Variants in DNAJA2 observed in about 807,000 individuals in gnomAD.
DNAJA2 encodes DnaJ heat shock protein family (Hsp40) member A2.
Under a neutral mutation model 49.3 loss-of-function variants are expected in DNAJA2, and 6 were observed. That is an observed-to-expected ratio of 0.12 (90% CI 0.07 to 0.24). The LOEUF (loss-of-function observed/expected upper bound fraction) is 0.24. Among genes scored for constraint, DNAJA2 ranks in the 10% least tolerant of loss-of-function variants. The probability of loss-of-function intolerance (pLI) is 1.00; values close to 1 mark genes in which losing one functional copy is unlikely to be tolerated. For synonymous variants in DNAJA2, 160 were observed against 172.7 expected (o/e 0.93, Z 0.58); for missense variants, 347 against 516.8 (o/e 0.67, Z 3.19).
In DNAJA2 at chr16:46,973,461, G is replaced by C. The variant is rs1281580683; in HGVS notation, c.78+34C>G. ...ACATCCCTGGCCGCGCAGGCCCCGC[G>C]CCCCTCACACCCGCCCGGCCCGCTC... On this transcript the variant is annotated intron_variant, in intron 1 of 8. Transcript: ENST00000317089. 1.9e-6 allele frequency: 3 copies of C among 1,566,434 alleles called. 1 individual carries two copies. In the South Asian group the frequency reaches 3.4e-5, roughly 18 times the overall value.
chr16:46,971,999 A>C (rs1296468552), intron 1 of DNAJA2, 44 bp from the exon 2 acceptor site: 8 of 1,361,374 alleles, frequency 5.9e-6, no homozygotes, highest in Non-Finnish European at 8.4e-6. Context: ...ACTAAACACC[A>C]GTTAAAAGTT....
chr16:46,967,745 C>T (rs1471236483), intron 4 of DNAJA2, 99 bp from the exon 5 acceptor site: 1 of 1,463,076 alleles, frequency 6.8e-7, no homozygotes, highest in Non-Finnish European at 9.4e-7. Flanking sequence ...TCTTCAACCC[C>T]AATAACTTGT....
chr16:46,962,378 C>CA lies in DNAJA2; in HGVS notation c.774+2232dup, dbSNP rs571055213. ...ACCATCAGTTTGACATGCCTCAAAC[C>CA]AAAAAAAAGTCATCCTTCCTCTGCA... On this transcript the variant is annotated intron_variant, in intron 6 of 8. Transcript: ENST00000317089. Among the ~76,000 whole-genome samples, 35 of 149,132 alleles carry CA rather than the reference C, an allele frequency of 2.3e-4. No individual in the cohort carries two copies. In the East Asian group the frequency reaches 6.3e-3, roughly 27 times the overall value.
In DNAJA2 at chr16:46,958,793, A is replaced by T. The variant is rs540816811; in HGVS notation, c.1047+210T>A. ...GACTGTGTCTCAAAAAATTTTTTTT[A>T]AATTAGCCAGGCATGGCAACACACA... On this transcript the variant is annotated intron_variant, in intron 8 of 8. Transcript: ENST00000317089. 46 of 471,152 alleles carry T rather than the reference A, an allele frequency of 9.8e-5. No homozygotes were observed. In the South Asian group the frequency reaches 2.0e-3, roughly 21 times the overall value. 29.2% of individuals were successfully genotyped at this position (471,152 alleles called of 1,614,324 possible).
chr16:46,970,189 TC>T (rs1288822586), intron 3 of DNAJA2, among the ~76,000 whole-genome samples: 1 of 152,182 alleles, frequency 6.6e-6, no homozygotes. Context: ...AAAAAAGACC[TC>T]CCAGATTTTG....
intron 4 of DNAJA2, 90 bp downstream of exon 4, chr16:46,967,994 C>A: frequency 7.8e-7 from 1 of 1,289,094 alleles, no homozygotes; most frequent in Non-Finnish European, 1.1e-6. Flanking sequence ...TAAGTTTTAA[C>A]TTATAACAAT....
intron 1 of DNAJA2, 43 bp downstream of exon 1, chr16:46,973,452 A>C: frequency 6.5e-7 from 1 of 1,549,130 alleles, no homozygotes; most frequent in Non-Finnish European, 8.7e-7. Flanking sequence ...CTGGCCGCGC[A>C]GGCCCCGCGC....
In DNAJA2 at chr16:46,968,163, C is replaced by A; in HGVS notation, c.364G>T (p.Val122Leu). 6.3e-7 allele frequency: 1 copy of A among 1,586,222 alleles called. No individual in the cohort carries two copies. Among genetic ancestry groups the A allele is most frequent in the South Asian group, 1.2e-5 (1 of 85,858 alleles). ...CCATTATACAGATCTTCTAAAGATA[C>A]TCTGGAAAGAAAAGAATCGGCTTCA... ...RGEDMMHPLKVSLEDLYNGKT... is the reference protein window; with the variant it reads ...RGEDMMHPLKLSLEDLYNGKT... The change falls in exon 4 of 9, where the codon GTA (valine) becomes TTA (leucine). Residue 122 changes from valine to leucine, a missense_variant and splice_region_variant. Coordinates refer to ENST00000317089, the MANE Select transcript of DNAJA2 (RefSeq NM_005880.4).
intron 5 of DNAJA2, among the ~76,000 whole-genome samples, chr16:46,966,468 G>C (rs1467312237): frequency 6.6e-6 from 1 of 152,166 alleles, no homozygotes; most frequent in Non-Finnish European, 1.5e-5. Flanking sequence ...GAAATATGCA[G>C]TAGTCACAGG....
At chr16:46,966,128 G>A (rs952496457) in intron 5 of DNAJA2, among the ~76,000 whole-genome samples, 7 of 152,168 alleles carry the variant, frequency 4.6e-5, no homozygotes, top group African/African-American at 1.7e-4. Flanking sequence ...TGGGGCGAGG[G>A]GCTGAGGTGG....
At chr16:46,962,848 CAGG>C (rs1567353270) in intron 6 of DNAJA2, among the ~76,000 whole-genome samples, 1 of 152,194 alleles carries the variant, frequency 6.6e-6, no homozygotes, top group Admixed American at 6.5e-5. Context: ...CCTGATTGTC[CAGG>C]AGATCAAGTC....
At chr16:46,971,868 C>A (rs199855066) in intron 2 of DNAJA2, 28 bp downstream of exon 2, 1 of 1,588,184 alleles carries the variant, frequency 6.3e-7, no homozygotes, top group South Asian at 1.1e-5. Flanking sequence ...CTAAAACCCC[C>A]GGAATAAAAA....
intron 6 of DNAJA2, 40 bp from the exon 7 acceptor site, chr16:46,959,459 T>C (rs2143642085): frequency 6.4e-7 from 1 of 1,560,588 alleles, no homozygotes; most frequent in East Asian, 2.2e-5. Flanking sequence ...TTCTTAAAAA[T>C]TATGGAGGTA....
intron 6 of DNAJA2, 120 bp from the exon 7 acceptor site, chr16:46,959,539 G>A: frequency 1.1e-6 from 1 of 944,416 alleles, no homozygotes; most frequent in Non-Finnish European, 1.6e-6. Context: ...CAAATCCAAA[G>A]TGCCACTGTC....
In DNAJA2 at chr16:46,956,948, T is replaced by TA; in HGVS notation, c.*80dup. On this transcript the variant is annotated 3_prime_UTR_variant, in exon 9 of 9. Coordinates refer to ENST00000317089, the MANE Select transcript of DNAJA2 (RefSeq NM_005880.4). The stretch of plus-strand genomic sequence containing the variant: ...ATGTCCCTCAGTTCATCTGGATTGA[T>TA]AAGACACTCCAGCTGGATTGCTGAG... 2.0e-6 allele frequency: 3 copies of TA among 1,482,818 alleles called. No homozygotes were observed. Among genetic ancestry groups the TA allele is most frequent in the Non-Finnish European group, 1.9e-6 (2 of 1,061,562 alleles). 91.9% of individuals were successfully genotyped at this position (1,482,818 alleles called of 1,614,324 possible).
chr16:46,966,636 T>TG (rs1961975461), intron 5 of DNAJA2, among the ~76,000 whole-genome samples: 2 of 152,234 alleles, frequency 1.3e-5, no homozygotes, highest in South Asian at 4.1e-4. Flanking sequence ...CATATCCATG[T>TG]GTCTGTGGCC....
At chr16:46,960,383 A>C (rs117035113) in intron 6 of DNAJA2, among the ~76,000 whole-genome samples, 2 of 152,214 alleles carry the variant, frequency 1.3e-5, no homozygotes, top group South Asian at 2.1e-4. Context: ...TGTGTGTGCT[A>C]AAGTTTGAGA....
Position 46,964,333 on chromosome 16 carries a change from T to C in DNAJA2, c.774+278A>G, listed in dbSNP as rs149334209. On this transcript the variant is annotated intron_variant, in intron 6 of 8. Transcript: ENST00000317089. ...GTTGTAGTGAGCCGAGATCGCACCATTGCACTCCAGCCTGGGCAACAAGAG... is the reference window on the plus strand; with the variant it reads ...GTTGTAGTGAGCCGAGATCGCACCACTGCACTCCAGCCTGGGCAACAAGAG... Among the ~76,000 whole-genome samples, 611 of 151,910 alleles carry C rather than the reference T, an allele frequency of 4.0e-3. 4 individuals are homozygous for C. Among genetic ancestry groups the C allele is most frequent in the African/African-American group, 0.014 (575 of 41,438 alleles).
rs1195519767 is a variant in DNAJA2 at position 46,956,900 on chromosome 16, A to T, written c.*129T>A. 7 of 1,005,976 alleles carry T rather than the reference A, an allele frequency of 7.0e-6. No homozygotes were observed. The highest frequency in any genetic ancestry group is 1.1e-5 in the Non-Finnish European group (7 of 658,602). 62.3% of individuals were successfully genotyped at this position (1,005,976 alleles called of 1,614,324 possible). A position where few individuals can be genotyped will look rare whatever the true frequency, so the allele number is the denominator to read the frequency against. On this transcript the variant is annotated 3_prime_UTR_variant, in exon 9 of 9. Transcript: ENST00000317089. Reference sequence around the variant, plus strand: ...ACTCTGTAGATACTATACCAATTTTAAAAGTTATACATAGACCAACAGATG... The same window carrying T: ...ACTCTGTAGATACTATACCAATTTTTAAAGTTATACATAGACCAACAGATG...
Sources: gnomAD v4.1 joint callset for allele counts (sites outside exome capture counted in the v4.1 genomes callset) on GRCh38, gnomAD v4.1.1 for gene constraint, MANE v1.5 for transcripts, NCBI Gene and HGNC (gene_info 2026-07-23, HGNC 2026-07-21) for gene names.